COMMD6: variants seen among roughly 807,000 people sequenced by gnomAD.
COMMD6 encodes the protein COMM domain-containing protein 6.
COMMD6 carries 11 observed loss-of-function variants against 13.4 expected under a neutral mutation model. That is an observed-to-expected ratio of 0.82 (90% CI 0.52 to 1.36). The LOEUF is 1.36. COMMD6 is among the 40% of genes most tolerant of loss of function. The pLI, the probability that COMMD6 is intolerant of heterozygous loss-of-function variation, is 0.00. For synonymous variants in COMMD6, 43 were observed against 36.5 expected (o/e 1.18, Z -0.64); for missense variants, 124 against 102.4 (o/e 1.21, Z -0.91).
At chr13:75,544,696 G>A (rs1208976342) in intron 1 of COMMD6, among the ~76,000 whole-genome samples, 1 of 152,156 alleles carries the variant, frequency 6.6e-6, no homozygotes, top group Non-Finnish European at 1.5e-5. Context: ...TCAGGAGGCA[G>A]AGGTTGCAGT....
intron 2 of COMMD6, among the ~76,000 whole-genome samples, chr13:75,532,707 T>C (rs1268795110): frequency 3.3e-5 from 5 of 152,184 alleles, no homozygotes; most frequent in Non-Finnish European, 5.9e-5. Context: ...GGCACACGCC[T>C]GTAGTCTTAA....
At chr13:75,526,734 A>G (rs1461087063) in intron 3 of COMMD6, 95 bp from the exon 4 acceptor site, 7 of 750,126 alleles carry the variant, frequency 9.3e-6, no homozygotes, top group Non-Finnish European at 1.5e-5. Flanking sequence ...ACTATATAAC[A>G]TATTAAGTTT....
chr13:75,529,397 TG>T (rs1215688312), intron 3 of COMMD6, among the ~76,000 whole-genome samples: 1 of 151,790 alleles, frequency 6.6e-6, no homozygotes, highest in Non-Finnish European at 1.5e-5. Flanking sequence ...GGTGGGCGCC[TG>T]TAGTCCCAGC....
At chr13:75,527,738 G>T in intron 3 of COMMD6, 1 of 1,286,804 alleles carries the variant, frequency 7.8e-7, no homozygotes, top group South Asian at 2.8e-5. Context: ...TGTGCAAAGT[G>T]AAATAAGCCA....
At chr13:75,532,568 A>C (rs970685677) in intron 2 of COMMD6, among the ~76,000 whole-genome samples, 7 of 152,190 alleles carry the variant, frequency 4.6e-5, no homozygotes, top group Admixed American at 1.3e-4. Flanking sequence ...GCGGTGGCTC[A>C]CGCCTGTAAT....
intron 1 of COMMD6, among the ~76,000 whole-genome samples, chr13:75,547,630 G>A (rs960224080): frequency 6.6e-6 from 1 of 152,220 alleles, no homozygotes; most frequent in African/African-American, 2.4e-5. Context: ...TACCATGATA[G>A]GTACATCCAT....
rs142069142 is a variant in COMMD6, at chr13:75,525,253, A to G, written c.*1336T>C. 5.9e-5 allele frequency: 9 copies of G among 152,324 alleles called. No homozygotes were observed. Among genetic ancestry groups the G allele is most frequent in the Admixed American group, 1.3e-4 (2 of 15,302 alleles). 9.4% of individuals were successfully genotyped at this position (152,324 alleles called of 1,614,324 possible). On this transcript the variant is annotated 3_prime_UTR_variant, in exon 4 of 4. Coordinates refer to ENST00000682242, the MANE Select transcript of COMMD6 (RefSeq NM_203495.4). The stretch of plus-strand genomic sequence containing the variant: ...AATTTATTTCAAATCTGCTACCCAC[A>G]GTGTTTGAGCCAGGGCCTAACTTTG...
intron 2 of COMMD6, 169 bp from the exon 3 acceptor site, chr13:75,530,435 A>G: frequency 2.0e-6 from 1 of 505,168 alleles, no homozygotes; most frequent in Non-Finnish European, 3.4e-6. Context: ...CAAATGAAAA[A>G]ATGGAGAGGT....
intron 2 of COMMD6, chr13:75,537,299 A>G (rs1198258546): frequency 1.3e-6 from 2 of 1,542,574 alleles, no homozygotes; most frequent in Admixed American, 2.0e-5. Flanking sequence ...TCCATCTTCA[A>G]AAATAACTTA....
intron 2 of COMMD6, 59 bp downstream of exon 2, chr13:75,537,605 G>A: frequency 1.9e-6 from 3 of 1,612,688 alleles, no homozygotes; most frequent in Non-Finnish European, 2.5e-6. Context: ...GGGTGGCACG[G>A]CCTCGCGGCC....
At chr13:75,530,527 C>G (rs1007559605) in intron 2 of COMMD6, 15 of 262,694 alleles carry the variant, frequency 5.7e-5, no homozygotes, top group Middle Eastern at 2.2e-3. Flanking sequence ...AATCTCCCCT[C>G]CAATGTATAA....
upstream of COMMD6, chr13:75,537,890 C>G: frequency 7.1e-7 from 1 of 1,409,192 alleles, no homozygotes; most frequent in East Asian, 2.3e-5. Context: ...CCCTAGCGGC[C>G]TGGCGCATGG....
upstream of COMMD6, among the ~76,000 whole-genome samples, chr13:75,542,331 C>T (rs1308311557): frequency 6.6e-6 from 1 of 150,696 alleles, no homozygotes; most frequent in Non-Finnish European, 1.5e-5. Flanking sequence ...CTCTTGTTGC[C>T]CAGGCTGGAG....
chr13:75,530,969 T>C (rs1286118438), intron 2 of COMMD6, among the ~76,000 whole-genome samples: 1 of 152,230 alleles, frequency 6.6e-6, no homozygotes, highest in Non-Finnish European at 1.5e-5. Flanking sequence ...ATGCAGCTGT[T>C]AATACTGCCT....
chr13:75,542,852 CAGAT>C (rs931651236), upstream of COMMD6, among the ~76,000 whole-genome samples: 6 of 152,246 alleles, frequency 3.9e-5, no homozygotes, highest in African/African-American at 1.4e-4. Flanking sequence ...ATTTTGAAGA[CAGAT>C]GGAGGCCAAG....
chr13:75,538,224 A>C (rs1566200876), upstream of COMMD6, among the ~76,000 whole-genome samples: 1 of 152,216 alleles, frequency 6.6e-6, no homozygotes, highest in South Asian at 2.1e-4. Flanking sequence ...CTGCAAGGGA[A>C]GGCTGTGGGA....
intron 3 of COMMD6, chr13:75,528,001 GCACACACACACACACACA>G: frequency 3.5e-6 from 1 of 286,750 alleles, no homozygotes; most frequent in East Asian, 6.5e-5. Context: ...CATGCCCTCA[GCACACACACACACACACA>G]CACACACACA....
At position 75,526,035 on chromosome 13, in the gene COMMD6, T is replaced by C. The variant is rs1447515390; in HGVS notation, c.*554A>G. ...CTACAACCATTAATAACAGAAATAA[T>C]TGAATGCTAGACTAATACTGTGTAA... On this transcript the variant is annotated 3_prime_UTR_variant, in exon 4 of 4. Transcript: ENST00000682242. The C allele has an allele frequency of 1.3e-5, 2 of 152,186 alleles. No homozygotes were observed. Among genetic ancestry groups the C allele is most frequent in the Admixed American group, 1.3e-4 (2 of 15,284 alleles). The allele number at this position is 152,186 out of a possible 1,614,324, so 9.4% of individuals were successfully genotyped here.
At chr13:75,536,086 T>A (rs1170855754) in intron 2 of COMMD6, among the ~76,000 whole-genome samples, 1 of 152,134 alleles carries the variant, frequency 6.6e-6, no homozygotes, top group East Asian at 1.9e-4. Flanking sequence ...AAGGTCTTGC[T>A]ATGTTGCCCA....
Sources: gnomAD v4.1 joint callset for allele counts (sites outside exome capture counted in the v4.1 genomes callset) on GRCh38, gnomAD v4.1.1 for gene constraint, MANE v1.5 for transcripts, NCBI Gene and HGNC (gene_info 2026-07-23, HGNC 2026-07-21) for gene names.